The following CCDC171 variants were observed in gnomAD, a reference collection of about 807,000 sequenced individuals.
The protein encoded by CCDC171 is coiled-coil domain-containing protein 171.
A neutral mutation model predicts 168.2 loss-of-function variants in CCDC171; 177 were observed. The ratio of observed to expected loss-of-function variants is 1.05; its 90% CI spans 0.93 to 1.19. The LOEUF (loss-of-function observed/expected upper bound fraction) is 1.19. CCDC171 is among the 50% of genes most tolerant of loss of function. The probability of loss-of-function intolerance (pLI) is 0.00; values close to 1 mark genes in which losing one functional copy is unlikely to be tolerated. For synonymous variants in CCDC171, 687 were observed against 540.8 expected, an observed-to-expected ratio of 1.27 and a Z score of -3.75; for missense variants, 1,991 against 1,539.0, an observed-to-expected ratio of 1.29 and a Z score of -4.91.
At chr9:15,558,508 A>T (rs933217791) in intron 1 of CCDC171, among the ~76,000 whole-genome samples, 2 of 152,052 alleles carry the variant, frequency 1.3e-5, no homozygotes. Context: ...TAGATTTTCT[A>T]GTTTATTTGC....
chr9:15,996,346 G>T (rs1832372529), intron 3 of CCDC171, among the ~76,000 whole-genome samples: 1 of 151,764 alleles, frequency 6.6e-6, no homozygotes, highest in Non-Finnish European at 1.5e-5. Flanking sequence ...ACTTTTTATG[G>T]GCAGGCTTGC....
intron 12 of CCDC171, among the ~76,000 whole-genome samples, chr9:15,722,225 G>A (rs2053531188): frequency 1.3e-5 from 2 of 152,140 alleles, no homozygotes; most frequent in Non-Finnish European, 2.9e-5. Context: ...ATGACATTTG[G>A]TATAGCTACT....
intron 21 of CCDC171, among the ~76,000 whole-genome samples, chr9:15,786,920 A>G (rs2135523190): frequency 6.6e-6 from 1 of 152,146 alleles, no homozygotes; most frequent in South Asian, 2.1e-4. Context: ...CCCGAGTCCT[A>G]CAAAGCTGCC....
At position 16,002,195 on chromosome 9, in the gene CCDC171, T is replaced by A. The variant is rs866421776; in HGVS notation, n.369-18394T>A. Among the ~76,000 whole-genome samples the A allele has an allele frequency of 2.5e-3, 382 of 149,810 alleles. 5 individuals carry two copies. Among genetic ancestry groups the A allele is most frequent in the African/African-American group, 7.6e-3 (308 of 40,742 alleles). The stretch of plus-strand genomic sequence containing the variant: ...AATGTACTCCTTTTACTTTTTTTTT[T>A]AAAAAAAGTTAACTGTAAAACAACC... On this transcript the variant is annotated intron_variant and non_coding_transcript_variant, in intron 3 of 9. Coordinates refer to the CCDC171 transcript ENST00000486641.
chr9:15,747,770 G>T (rs1014310382), intron 18 of CCDC171, among the ~76,000 whole-genome samples: 1 of 152,178 alleles, frequency 6.6e-6, no homozygotes, highest in Non-Finnish European at 1.5e-5. Context: ...ACCAAAGATA[G>T]ATAAAACCAC....
chr9:15,790,294 G>A lies in CCDC171; in HGVS notation c.3267+5600G>A, dbSNP rs1222078778. On this transcript the variant is annotated intron_variant, in intron 21 of 25. Transcript: ENST00000380701. ...CTTTTTAATGATTGCCATTCTAACT[G>A]GTGTGAAATGGTATCTCACTGTGGT... Among the ~76,000 whole-genome samples the A allele has an allele frequency of 4.6e-5, 7 of 152,254 alleles. No homozygotes were observed. In the South Asian group the frequency reaches 1.5e-3, roughly 32 times the overall value.
At chr9:16,014,580 CT>C (rs1269698002) in intron 3 of CCDC171, among the ~76,000 whole-genome samples, 1 of 152,138 alleles carries the variant, frequency 6.6e-6, no homozygotes, top group Non-Finnish European at 1.5e-5. Context: ...CAGCTATAGC[CT>C]TATGAAATGT....
At chr9:15,722,496 A>T (rs2053548147) in intron 12 of CCDC171, among the ~76,000 whole-genome samples, 2 of 152,184 alleles carry the variant, frequency 1.3e-5, no homozygotes. Flanking sequence ...TGTTTTATGA[A>T]TTTGTGCTTT....
chr9:15,695,389 C>G, intron 11 of CCDC171, 52 bp downstream of exon 11: 3 of 1,401,546 alleles, frequency 2.1e-6, no homozygotes, highest in Non-Finnish European at 3.0e-6. Context: ...TCCAAAGTCA[C>G]TACATTTTGG....
chr9:15,602,673 T>TTTTTTTTTTTTTTTTTTTTC (rs2042948202), intron 6 of CCDC171, among the ~76,000 whole-genome samples: 1 of 96,532 alleles, frequency 1.0e-5, no homozygotes, highest in Non-Finnish European at 2.2e-5. Flanking sequence ...TTTTTTTTTT[T>TTTTTTTTTTTTTTTTTTTTC]GATACAGAGT....
chr9:15,746,302 A>G (rs7467156), intron 18 of CCDC171, among the ~76,000 whole-genome samples: 69,569 of 151,682 alleles, frequency 0.46, 16,200 homozygotes, highest in Non-Finnish European at 0.5. Context: ...GTAAGCCTAT[A>G]TGTAATGATA....
At chr9:16,025,007 G>T (rs959208532) in intron 6 of CCDC171, among the ~76,000 whole-genome samples, 3 of 152,208 alleles carry the variant, frequency 2.0e-5, no homozygotes, top group East Asian at 3.8e-4. Flanking sequence ...TACCTTGCTG[G>T]TGGGAATGTA....
chr9:16,068,888 C>G, the CCDC171 span, among the ~76,000 whole-genome samples: 2 of 152,108 alleles, frequency 1.3e-5, no homozygotes, highest in South Asian at 4.1e-4. Context: ...CTGGAGGGGT[C>G]CCGCCTGCCT....
At chr9:15,610,757 C>A (rs572004119) in intron 6 of CCDC171, among the ~76,000 whole-genome samples, 1 of 152,210 alleles carries the variant, frequency 6.6e-6, no homozygotes, top group Admixed American at 6.5e-5. Context: ...CAGGGTCTCA[C>A]TGTGTTGCCC....
At chr9:15,568,569 C>G (rs1270824242) in intron 2 of CCDC171, among the ~76,000 whole-genome samples, 1 of 152,104 alleles carries the variant, frequency 6.6e-6, no homozygotes, top group East Asian at 1.9e-4. Context: ...CGCACCCAGC[C>G]TTATTTTTTG....
In CCDC171 at chr9:15,924,247, C is replaced by A. The variant is rs562681689; in HGVS notation, c.3753+3825C>A. Reference sequence around the variant, plus strand: ...AGGAAGGAGTGGATATTGTGTTAACCAGTTAATAGTGTGTGCCATAGAAGT... The same window carrying A: ...AGGAAGGAGTGGATATTGTGTTAACAAGTTAATAGTGTGTGCCATAGAAGT... On this transcript the variant is annotated intron_variant, in intron 25 of 25. Coordinates refer to ENST00000380701, the MANE Select transcript of CCDC171 (RefSeq NM_173550.4). Among the ~76,000 whole-genome samples the A allele has an allele frequency of 2.0e-5, 3 of 151,274 alleles. No homozygotes were observed. In the East Asian group the frequency reaches 5.8e-4, roughly 29 times the overall value.
intron 24 of CCDC171, among the ~76,000 whole-genome samples, chr9:15,899,462 A>G (rs552947304): frequency 1.1e-4 from 16 of 152,306 alleles, no homozygotes; most frequent in African/African-American, 3.8e-4. Context: ...TGAATCTTTA[A>G]GAGATCCAGT....
In CCDC171 at chr9:15,594,104, T is replaced by C. The variant is rs752388745; in HGVS notation, c.607T>C (p.Leu203=). 1.5e-5 allele frequency: 24 copies of C among 1,550,604 alleles called. No individual in the cohort carries two copies. Among genetic ancestry groups the C allele is most frequent in the African/African-American group, 4.1e-5 (3 of 73,310 alleles). ...EMESHIRETA[L]EEFRLQEEQW... ...GGAGTCTCATATCAGGGAGACAGCA[T>C]TGGAGGAGTTTAGATTACAAGAAGA... Residue 203 remains leucine (L), a synonymous_variant, in exon 6 of 26, where the codon TTG becomes CTG. Transcript: ENST00000380701.
intron 23 of CCDC171, among the ~76,000 whole-genome samples, chr9:15,852,306 T>C (rs1379837367): frequency 6.6e-6 from 1 of 151,866 alleles, no homozygotes; most frequent in Non-Finnish European, 1.5e-5. Flanking sequence ...ACTATGGTTT[T>C]GATTTGTATT....
Sources: gnomAD v4.1 joint callset for allele counts (sites outside exome capture counted in the v4.1 genomes callset) on GRCh38, gnomAD v4.1.1 for gene constraint, MANE v1.5 for transcripts, NCBI Gene and HGNC (gene_info 2026-07-23, HGNC 2026-07-21) for gene names.